The following MAN2A1 variants were observed in gnomAD, a reference collection of about 807,000 sequenced individuals.
MAN2A1 encodes the protein alpha-mannosidase 2.
MAN2A1 carries 76 observed loss-of-function variants against 142.6 expected under a neutral mutation model. The observed-to-expected ratio is 0.53, with a 90% confidence interval of 0.44 to 0.65. MAN2A1 has a LOEUF of 0.65. Ranked by LOEUF, MAN2A1 falls within the 30% of genes least tolerant of loss-of-function variation. The pLI is 0.00. For missense variants in MAN2A1, 1,311 were observed against 1,365.1 expected, an observed-to-expected ratio of 0.96 and a Z score of 0.62; for synonymous variants, 559 against 473.2, an observed-to-expected ratio of 1.18 and a Z score of -2.35.
intron 6 of MAN2A1, among the ~76,000 whole-genome samples, chr5:109,769,074 T>A (rs1323207071): frequency 6.6e-6 from 1 of 152,034 alleles, no homozygotes; most frequent in Non-Finnish European, 1.5e-5. Flanking sequence ...TAAGGAGAAT[T>A]AGTGGGGTAT....
At chr5:109,737,323 A>C (rs1179648675) in intron 4 of MAN2A1, among the ~76,000 whole-genome samples, 1 of 151,464 alleles carries the variant, frequency 6.6e-6, no homozygotes, top group Non-Finnish European at 1.5e-5. Context: ...AACTCCTGAC[A>C]CCTGCCTTGA....
chr5:109,794,290 A>T (rs1174280088), intron 12 of MAN2A1: 1 of 152,176 alleles, frequency 6.6e-6, no homozygotes. Context: ...CTTTGTGCTC[A>T]ACTGTGGAGG....
chr5:109,778,856 A>G (rs895641966), intron 8 of MAN2A1, among the ~76,000 whole-genome samples: 3 of 152,086 alleles, frequency 2.0e-5, no homozygotes, highest in African/African-American at 7.2e-5. Context: ...TGAACTGGAG[A>G]ACAAAAGTAA....
At chr5:109,820,049 G>A (rs1754582328) in intron 14 of MAN2A1, among the ~76,000 whole-genome samples, 162 bp downstream of exon 14, 2 of 152,186 alleles carry the variant, frequency 1.3e-5, no homozygotes, top group Non-Finnish European at 2.9e-5. Flanking sequence ...TTGACCACTT[G>A]CTGCTCACAT....
chr5:109,800,541 T>TTATC (rs1171881609), intron 12 of MAN2A1, among the ~76,000 whole-genome samples: 1 of 152,130 alleles, frequency 6.6e-6, no homozygotes, highest in Non-Finnish European at 1.5e-5. Flanking sequence ...TCAGCTTTGT[T>TTATC]TATCATGTGA....
intron 12 of MAN2A1, among the ~76,000 whole-genome samples, chr5:109,805,167 C>T (rs977944531): frequency 3.3e-5 from 5 of 152,212 alleles, no homozygotes; most frequent in African/African-American, 1.2e-4. Flanking sequence ...GAGAAAGCAA[C>T]TTAATTGGTG....
At chr5:109,831,805 A>G (rs12109742) in intron 16 of MAN2A1, among the ~76,000 whole-genome samples, 12,978 of 144,876 alleles carry the variant, frequency 0.09, 661 homozygotes, top group African/African-American at 0.16. Context: ...AACAAAAATC[A>G]TGTGTGTGTG....
chr5:109,753,263 A>G lies in MAN2A1; in HGVS notation c.708-2066A>G, dbSNP rs867565296. Among the ~76,000 whole-genome samples the G allele has an allele frequency of 3.9e-5, 6 of 152,236 alleles. No homozygotes were observed. In the East Asian group the frequency reaches 9.6e-4, roughly 24 times the overall value. On this transcript the variant is annotated intron_variant, in intron 4 of 21. Coordinates refer to ENST00000261483, the MANE Select transcript of MAN2A1 (RefSeq NM_002372.4). The stretch of plus-strand genomic sequence containing the variant: ...GGCAGGTTTGGTCCATAGCCTCTAG[A>G]CTGTGGCTAAATCAGGCAATCACCA...
At chr5:109,818,936 T>TG (rs1457623952) in intron 13 of MAN2A1, among the ~76,000 whole-genome samples, 4 of 152,182 alleles carry the variant, frequency 2.6e-5, no homozygotes, top group African/African-American at 7.2e-5. Context: ...CAGGACCCTC[T>TG]GGGGATAACA....
At chr5:109,743,820 C>A (rs1752332912) in intron 4 of MAN2A1, among the ~76,000 whole-genome samples, 1 of 152,126 alleles carries the variant, frequency 6.6e-6, no homozygotes, top group African/African-American at 2.4e-5. Context: ...CTTTAAAATG[C>A]TTTGTGGTGC....
At chr5:109,735,276 G>A (rs1322783600) in intron 4 of MAN2A1, among the ~76,000 whole-genome samples, 1 of 152,098 alleles carries the variant, frequency 6.6e-6, no homozygotes, top group Non-Finnish European at 1.5e-5. Context: ...CTCTGCACGT[G>A]AGATGGGTTT....
intron 5 of MAN2A1, among the ~76,000 whole-genome samples, chr5:109,756,681 A>C (rs1752698352): frequency 6.6e-6 from 1 of 152,182 alleles, no homozygotes; most frequent in Admixed American, 6.5e-5. Context: ...ATTTGGAAGC[A>C]TGTTGCAGGT....
chr5:109,817,205 C>A, intron 12 of MAN2A1, 68 bp from the exon 13 acceptor site: 1 of 1,289,818 alleles, frequency 7.8e-7, no homozygotes, highest in Non-Finnish European at 1.1e-6. Context: ...TGTATATCTA[C>A]ATGTATATGT....
intron 4 of MAN2A1, among the ~76,000 whole-genome samples, chr5:109,737,788 G>A (rs1486531865): frequency 6.6e-6 from 1 of 152,120 alleles, no homozygotes; most frequent in African/African-American, 2.4e-5. Context: ...GTTAAAAAAT[G>A]CATAAATATA....
chr5:109,759,812 T>A (rs995297622), intron 5 of MAN2A1, among the ~76,000 whole-genome samples: 11 of 152,160 alleles, frequency 7.2e-5, no homozygotes, highest in Middle Eastern at 3.2e-3. Context: ...TATAGTGATA[T>A]TTCACTGTTA....
Position 109,830,303 on chromosome 5 carries a change from T to G in MAN2A1, c.2566+6466T>G, listed in dbSNP as rs550820911. Among the ~76,000 whole-genome samples the G allele has an allele frequency of 5.9e-5, 9 of 152,360 alleles. No homozygotes were observed. The South Asian group carries it at 1.7e-3, about 28-fold the overall frequency. ...ACTAGAGGAGTATGGGTTTGTCCTT[T>G]AATTTCTTAGGGACTCAGTTTCTTA... is the stretch of plus-strand genomic sequence containing the variant. On this transcript the variant is annotated intron_variant, in intron 16 of 21. Coordinates refer to ENST00000261483, the MANE Select transcript of MAN2A1 (RefSeq NM_002372.4).
At chr5:109,835,548 T>G (rs374583057) in intron 16 of MAN2A1, among the ~76,000 whole-genome samples, 92 of 152,340 alleles carry the variant, frequency 6.0e-4, no homozygotes, top group African/African-American at 2.1e-3. Flanking sequence ...ATTCTCGCCA[T>G]CACTTGTCTT....
At chr5:109,731,252 A>G (rs142198497) in intron 4 of MAN2A1, among the ~76,000 whole-genome samples, 1,926 of 151,768 alleles carry the variant, frequency 0.013, 20 homozygotes, top group Non-Finnish European at 0.02. Context: ...ATTTTGAAAT[A>G]TATGATACAT....
intron 1 of MAN2A1, among the ~76,000 whole-genome samples, chr5:109,706,148 G>C (rs1383315831): frequency 6.6e-6 from 1 of 152,166 alleles, no homozygotes; most frequent in Non-Finnish European, 1.5e-5. Flanking sequence ...AACCCTATGA[G>C]TTAGGTATTA....
Sources: allele counts gnomAD v4.1 joint callset (sites outside exome capture counted in the v4.1 genomes callset), GRCh38; gene constraint gnomAD v4.1.1; transcripts MANE v1.5; gene names NCBI Gene and HGNC (gene_info 2026-07-23, HGNC 2026-07-21).